The following ACOXL variants were observed in gnomAD, a reference collection of about 807,000 sequenced individuals.
The protein encoded by ACOXL is acyl-CoA oxidase like.
Under a neutral mutation model 71.9 loss-of-function variants are expected in ACOXL, and 70 were observed. That is an observed-to-expected ratio of 0.97 (90% CI 0.80 to 1.19). The LOEUF (loss-of-function observed/expected upper bound fraction) is 1.19. Ranked by LOEUF, ACOXL falls within the 50% of genes most tolerant of loss-of-function variation. The pLI is 0.00. For synonymous variants in ACOXL, 253 were observed against 281.6 expected, an observed-to-expected ratio of 0.90 and a Z score of 1.02; for missense variants, 703 against 736.3, an observed-to-expected ratio of 0.95 and a Z score of 0.52.
intron 8 of ACOXL, among the ~76,000 whole-genome samples, chr2:110,803,037 A>G (rs1286296430): frequency 1.3e-5 from 2 of 152,216 alleles, no homozygotes; most frequent in Non-Finnish European, 2.9e-5. Flanking sequence ...AAGCAAAAAG[A>G]AAAAGAAAAA....
intron 12 of ACOXL, chr2:110,963,627 T>G (rs1347626470): frequency 6.2e-7 from 1 of 1,613,056 alleles, no homozygotes; most frequent in African/African-American, 1.3e-5. Flanking sequence ...GCAACAGGGT[T>G]ACATGATGGA....
At chr2:110,878,042 G>A (rs1696142002) in intron 10 of ACOXL, among the ~76,000 whole-genome samples, 1 of 152,098 alleles carries the variant, frequency 6.6e-6, no homozygotes, top group Non-Finnish European at 1.5e-5. Context: ...CATTTTGAAG[G>A]TTATCAATCT....
intron 15 of ACOXL, among the ~76,000 whole-genome samples, chr2:111,040,634 G>A (rs1474975311): frequency 2.0e-5 from 3 of 152,314 alleles, no homozygotes; most frequent in African/African-American, 7.2e-5. Flanking sequence ...AAGCTGGGCA[G>A]GGGGTGCAGG....
At chr2:110,966,133 C>T (rs1484509591) in intron 12 of ACOXL, among the ~76,000 whole-genome samples, 1 of 152,212 alleles carries the variant, frequency 6.6e-6, no homozygotes, top group African/African-American at 2.4e-5. Context: ...GTAGTACTCC[C>T]ATCCCCCACC....
At chr2:111,057,412 T>C (rs2066598342) in intron 16 of ACOXL, among the ~76,000 whole-genome samples, 1 of 152,224 alleles carries the variant, frequency 6.6e-6, no homozygotes, top group African/African-American at 2.4e-5. Context: ...TAGCATTCAA[T>C]ATTCCTTCCT....
At chr2:110,919,552 A>G (rs1376491737) in intron 11 of ACOXL, among the ~76,000 whole-genome samples, 4 of 150,870 alleles carry the variant, frequency 2.7e-5, no homozygotes, top group Admixed American at 1.3e-4. Flanking sequence ...AACTTAAACT[A>G]TAATAGTAAA....
chr2:110,946,869 A>T (rs148472922), intron 12 of ACOXL, among the ~76,000 whole-genome samples: 27 of 152,240 alleles, frequency 1.8e-4, no homozygotes, highest in African/African-American at 6.3e-4. Flanking sequence ...CCTGTTGTCC[A>T]GCTGAGAGAA....
chr2:111,040,972 C>G (rs1473105498), intron 15 of ACOXL, among the ~76,000 whole-genome samples: 1 of 152,052 alleles, frequency 6.6e-6, no homozygotes. Flanking sequence ...TGGAGGTGAA[C>G]AGCTCTGAGG....
intron 1 of ACOXL, among the ~76,000 whole-genome samples, chr2:110,765,869 C>T (rs1444022682): frequency 6.6e-6 from 1 of 152,162 alleles, no homozygotes; most frequent in African/African-American, 2.4e-5. Flanking sequence ...ACATTTAGAC[C>T]ATAGCAATCT....
chr2:110,769,949 G>A lies in ACOXL; in HGVS notation c.75+1485G>A, dbSNP rs148673428. ...CCAGCTACTTGGGACGCTGAGGTGG[G>A]AGGATCGTTTGAGGCTCCAGAGGTC... is the stretch of plus-strand genomic sequence containing the variant. On this transcript the variant is annotated intron_variant, in intron 2 of 17. Transcript: ENST00000439055. Among the ~76,000 whole-genome samples the A allele has an allele frequency of 6.6e-5, 10 of 151,996 alleles. No homozygotes were observed. In the East Asian group the frequency reaches 1.9e-3, roughly 29 times the overall value.
intron 12 of ACOXL, among the ~76,000 whole-genome samples, chr2:110,957,016 G>A (rs187967373): frequency 6.6e-6 from 1 of 152,228 alleles, no homozygotes; most frequent in East Asian, 1.9e-4. Context: ...CCTCTCTGAG[G>A]ATTCTGCTGG....
At chr2:111,011,558 A>C (rs1447776872) in intron 14 of ACOXL, among the ~76,000 whole-genome samples, 6 of 152,186 alleles carry the variant, frequency 3.9e-5, no homozygotes, top group African/African-American at 1.4e-4. Flanking sequence ...AGACTATGTT[A>C]ATATCAGATA....
At chr2:110,995,801 T>C in intron 13 of ACOXL, 92 bp from the exon 14 acceptor site, 1 of 904,556 alleles carries the variant, frequency 1.1e-6, no homozygotes, top group Non-Finnish European at 1.8e-6. Flanking sequence ...CAGAAAAAAA[T>C]AGTTTTAAAA....
At position 111,095,416 on chromosome 2, in the gene ACOXL, G is replaced by A. The variant is rs1170569224; in HGVS notation, c.1542+2450G>A. Reference sequence around the variant, plus strand: ...CTTTTTTTTTTTTTTTTTTGAGTTGGAGTCTTGCTCTGTCACCCAGGCTGG... The same window carrying A: ...CTTTTTTTTTTTTTTTTTTGAGTTGAAGTCTTGCTCTGTCACCCAGGCTGG... On this transcript the variant is annotated intron_variant, in intron 17 of 17. Transcript: ENST00000439055. 3.1e-5 allele frequency among the ~76,000 whole-genome samples: 4 copies of A among 127,924 alleles called. No homozygotes were observed. In the Admixed American group the frequency reaches 3.4e-4, roughly 11 times the overall value. 83.9% of individuals were successfully genotyped at this position (127,924 alleles called of 152,430 possible). A position where few individuals can be genotyped will look rare whatever the true frequency, so the allele number is the denominator to read the frequency against.
chr2:110,787,113 G>T (rs1684058773), intron 3 of ACOXL, among the ~76,000 whole-genome samples: 1 of 152,050 alleles, frequency 6.6e-6, no homozygotes, highest in South Asian at 2.1e-4. Flanking sequence ...TGGACCATGA[G>T]CTGACCATCC....
chr2:110,911,373 A>G (rs2059643706), intron 11 of ACOXL, among the ~76,000 whole-genome samples: 1 of 152,132 alleles, frequency 6.6e-6, no homozygotes, highest in African/African-American at 2.4e-5. Context: ...AACTTATCCC[A>G]TGTGGCCAGT....
chr2:110,835,845 G>C lies in ACOXL; in HGVS notation c.754-5526G>C, dbSNP rs559896926. ...ACTCAGTAGGTCTGGGTTTGGGCCT[G>C]ATAATTTGCATTTCTCACAAGTTCC... On this transcript the variant is annotated intron_variant, in intron 9 of 17. Coordinates refer to ENST00000439055, the MANE Select transcript of ACOXL (RefSeq NM_001142807.4). Among the ~76,000 whole-genome samples, 12 of 152,306 alleles carry C rather than the reference G, an allele frequency of 7.9e-5. No individual in the cohort carries two copies. In the South Asian group the frequency reaches 2.5e-3, roughly 32 times the overall value.
intron 10 of ACOXL, among the ~76,000 whole-genome samples, chr2:110,903,054 A>G (rs1240727744): frequency 6.6e-6 from 1 of 152,234 alleles, no homozygotes; most frequent in African/African-American, 2.4e-5. Flanking sequence ...GATACCTGCA[A>G]ACAAGTTTGC....
At chr2:111,092,776 T>C in intron 16 of ACOXL, 89 bp from the exon 17 acceptor site, 1 of 894,656 alleles carries the variant, frequency 1.1e-6, no homozygotes, top group Non-Finnish European at 1.8e-6. Context: ...AAATGTAATA[T>C]TATGTTATTT....
Sources: allele counts gnomAD v4.1 joint callset (sites outside exome capture counted in the v4.1 genomes callset), GRCh38; gene constraint gnomAD v4.1.1; transcripts MANE v1.5; gene names NCBI Gene and HGNC (gene_info 2026-07-23, HGNC 2026-07-21).